Variants in MDGA2 observed in about 807,000 individuals in gnomAD.
The protein encoded by MDGA2 is MAM domain-containing glycosylphosphatidylinositol anchor protein 2.
MDGA2 carries 40 observed loss-of-function variants against 117.8 expected under a neutral mutation model. The ratio of observed to expected loss-of-function variants is 0.34; its 90% CI spans 0.26 to 0.44. The LOEUF (loss-of-function observed/expected upper bound fraction) is 0.44, where lower values mean the gene tolerates loss of function less well. Among genes scored for constraint, MDGA2 ranks in the 20% least tolerant of loss-of-function variants. The probability of loss-of-function intolerance (pLI) is 1.00; values close to 1 mark genes in which losing one functional copy is unlikely to be tolerated. For missense variants in MDGA2, 1,123 were observed against 1,250.6 expected (o/e 0.90, Z 1.54); for synonymous variants, 452 against 439.0 (o/e 1.03, Z -0.37).
intron 3 of MDGA2, among the ~76,000 whole-genome samples, chr14:47,187,917 T>TTTTGTG (rs372357998): frequency 1.8e-4 from 27 of 148,752 alleles, no homozygotes; most frequent in African/African-American, 6.4e-4. Flanking sequence ...TTAAAGTAGG[T>TTTTGTG]TGTGTGTGTG....
rs1028249452 is a variant in MDGA2 at position 46,884,124 on chromosome 14, T to A, written c.2239-1903A>T. Among the ~76,000 whole-genome samples, 4 of 152,094 alleles carry A rather than the reference T, an allele frequency of 2.6e-5. No homozygotes were observed. The highest frequency in any genetic ancestry group is 6.6e-5 in the Admixed American group (1 of 15,224). ...CATTGTTTCTGACATGCTCCTAAGG[T>A]CATCAACAACATGGCCTACTTTTAC... On this transcript the variant is annotated intron_variant, in intron 10 of 16. Transcript: ENST00000399232. The surrounding 1 kb of genome is among the most constrained non-coding windows in gnomAD (Gnocchi z 4.1).
intron 1 of MDGA2, among the ~76,000 whole-genome samples, chr14:47,515,221 C>T (rs1894726083): frequency 6.6e-6 from 1 of 152,080 alleles, no homozygotes; most frequent in Admixed American, 6.6e-5. Flanking sequence ...GAGGGGCTGG[C>T]TAGTTGATTA....
chr14:47,315,968 CTAGTTA>C (rs1889798169), intron 1 of MDGA2, among the ~76,000 whole-genome samples: 1 of 151,328 alleles, frequency 6.6e-6, no homozygotes, highest in Non-Finnish European at 1.5e-5. Flanking sequence ...AAACTTTCCT[CTAGTTA>C]TAAAGTCTCC....
chr14:47,030,194 A>G (rs1888612230), intron 8 of MDGA2, among the ~76,000 whole-genome samples: 1 of 152,184 alleles, frequency 6.6e-6, no homozygotes, highest in South Asian at 2.1e-4. Flanking sequence ...TTAATATTCA[A>G]ACAATCAGGT....
chr14:47,211,128 T>G (rs1361716298), intron 3 of MDGA2, among the ~76,000 whole-genome samples: 2 of 152,176 alleles, frequency 1.3e-5, no homozygotes, highest in Non-Finnish European at 2.9e-5. Context: ...TCTTTCAATT[T>G]AAGCTCTCAT....
intron 5 of MDGA2, among the ~76,000 whole-genome samples, chr14:47,111,541 G>T (rs1382752892): frequency 2.6e-5 from 4 of 152,122 alleles, no homozygotes; most frequent in African/African-American, 9.7e-5. Flanking sequence ...AACCACATAA[G>T]TCATAATTAC....
At chr14:47,319,815 C>T (rs1468442299) in intron 1 of MDGA2, among the ~76,000 whole-genome samples, 2 of 151,992 alleles carry the variant, frequency 1.3e-5, no homozygotes. Flanking sequence ...AATGTGTTCC[C>T]CCAAAAGAGA....
intron 1 of MDGA2, among the ~76,000 whole-genome samples, chr14:47,327,812 T>C (rs910905317): frequency 9.2e-5 from 14 of 152,200 alleles, no homozygotes; most frequent in Non-Finnish European, 1.5e-4. Context: ...CAACCTAGGA[T>C]ACTTGTCTCA....
At chr14:47,252,958 T>C (rs774685427) in intron 2 of MDGA2, among the ~76,000 whole-genome samples, 1 of 152,124 alleles carries the variant, frequency 6.6e-6, no homozygotes, top group Non-Finnish European at 1.5e-5. Flanking sequence ...CCTTCTCACA[T>C]GGTGGTACGA....
chr14:47,043,444 C>T (rs555051429), intron 7 of MDGA2, among the ~76,000 whole-genome samples: 1 of 151,998 alleles, frequency 6.6e-6, no homozygotes, highest in African/African-American at 2.4e-5. Context: ...TGCAGAACTT[C>T]CCTGAGCCAT....
chr14:46,917,931 T>C (rs1883964930), intron 10 of MDGA2, among the ~76,000 whole-genome samples: 1 of 152,182 alleles, frequency 6.6e-6, no homozygotes, highest in African/African-American at 2.4e-5. Flanking sequence ...GGAGGAATTC[T>C]AACTCATTTA....
At chr14:47,239,286 T>C (rs2139599404) in intron 2 of MDGA2, among the ~76,000 whole-genome samples, 1 of 151,820 alleles carries the variant, frequency 6.6e-6, no homozygotes, top group Admixed American at 6.6e-5. Context: ...TCACATTGCT[T>C]TAGTTTCCTG....
chr14:47,411,019 T>TGTG (rs1401345767), intron 1 of MDGA2, among the ~76,000 whole-genome samples: 2 of 152,130 alleles, frequency 1.3e-5, no homozygotes, highest in Non-Finnish European at 2.9e-5. Context: ...TTCACCATAA[T>TGTG]GTGTTTGGCA....
intron 1 of MDGA2, among the ~76,000 whole-genome samples, chr14:47,400,017 G>A (rs772820301): frequency 2.0e-5 from 3 of 151,990 alleles, no homozygotes; most frequent in Admixed American, 1.3e-4. Flanking sequence ...TTTTTCCCCT[G>A]ACAATGTTCT....
intron 1 of MDGA2, among the ~76,000 whole-genome samples, chr14:47,502,124 A>G (rs1894411803): frequency 2.0e-5 from 3 of 152,178 alleles, no homozygotes; most frequent in African/African-American, 7.2e-5. Flanking sequence ...AAGGTTTAAA[A>G]AAAGACAAAA....
chr14:47,648,099 CTT>C (rs527603662), intron 1 of MDGA2, among the ~76,000 whole-genome samples: 1 of 152,114 alleles, frequency 6.6e-6, no homozygotes, highest in Admixed American at 6.6e-5. Flanking sequence ...CAACTTCAAA[CTT>C]TGTTTCCTGT....
chr14:47,553,985 T>TA (rs1260317011), intron 1 of MDGA2, among the ~76,000 whole-genome samples: 1 of 152,244 alleles, frequency 6.6e-6, no homozygotes, highest in Non-Finnish European at 1.5e-5. Context: ...TTTGTTGTTT[T>TA]AATCCTTCCT....
intron 1 of MDGA2, among the ~76,000 whole-genome samples, chr14:47,308,490 CTCTT>C (rs890479405): frequency 9.2e-5 from 13 of 141,550 alleles, no homozygotes; most frequent in Non-Finnish European, 1.8e-4. Flanking sequence ...TTTTTTCCCT[CTCTT>C]TCTGTTAGTT....
At chr14:47,499,357 A>G in intron 1 of MDGA2, among the ~76,000 whole-genome samples, 1 of 152,124 alleles carries the variant, frequency 6.6e-6, no homozygotes, top group East Asian at 1.9e-4. Context: ...ATATTTGTTA[A>G]CATTGGAAAA....
Sources: allele counts gnomAD v4.1 joint callset (sites outside exome capture counted in the v4.1 genomes callset), GRCh38; gene constraint gnomAD v4.1.1; non-coding constraint Gnocchi (gnomAD v3.1); transcripts MANE v1.5; gene names NCBI Gene and HGNC (gene_info 2026-07-23, HGNC 2026-07-21).